Variants in GPM6A observed in about 807,000 individuals in gnomAD.
GPM6A encodes the protein neuronal membrane glycoprotein M6-a.
Under a neutral mutation model 32.1 loss-of-function variants are expected in GPM6A, and 7 were observed. The ratio of observed to expected loss-of-function variants is 0.22; its 90% CI spans 0.12 to 0.41. GPM6A has a LOEUF of 0.41. Ranked by LOEUF, GPM6A falls within the 10% of genes least tolerant of loss-of-function variation. GPM6A has a pLI of 1.00. For synonymous variants in GPM6A, 130 were observed against 123.4 expected (o/e 1.05, Z -0.35); for missense variants, 235 against 347.2 (o/e 0.68, Z 2.57).
chr4:175,924,376 C>T (rs1738763796), intron 1 of GPM6A, among the ~76,000 whole-genome samples: 1 of 152,190 alleles, frequency 6.6e-6, no homozygotes, highest in Admixed American at 6.5e-5. Flanking sequence ...TCCGACCACA[C>T]ATTGTAACCC....
chr4:175,750,243 A>C (rs1668664581), intron 1 of GPM6A, among the ~76,000 whole-genome samples: 1 of 152,070 alleles, frequency 6.6e-6, no homozygotes, highest in South Asian at 2.1e-4. Context: ...TTTTTATTAG[A>C]GATGGGGTTT....
chr4:175,931,961 G>A (rs932543753), intron 1 of GPM6A, among the ~76,000 whole-genome samples: 23 of 151,794 alleles, frequency 1.5e-4, no homozygotes, highest in Admixed American at 9.2e-4. Flanking sequence ...GTATGGTGGT[G>A]CATGCCTGTA....
At chr4:175,651,173 T>G (rs148897552) in intron 4 of GPM6A, among the ~76,000 whole-genome samples, 5 of 152,170 alleles carry the variant, frequency 3.3e-5, no homozygotes, top group Non-Finnish European at 7.3e-5. Flanking sequence ...GCCTCAGTTT[T>G]GTCATCTACA....
intron 2 of GPM6A, 136 bp downstream of exon 2, chr4:175,701,439 T>C (rs1744874502): frequency 1.5e-6 from 1 of 661,678 alleles, no homozygotes; most frequent in Non-Finnish European, 2.7e-6. Context: ...ATGATTACCC[T>C]TTTGAATCAG....
At chr4:175,981,717 A>G (rs1290335949) in intron 1 of GPM6A, among the ~76,000 whole-genome samples, 1 of 152,162 alleles carries the variant, frequency 6.6e-6, no homozygotes, top group African/African-American at 2.4e-5. Context: ...GAGTCAACAT[A>G]CATTTTTATT....
At chr4:175,812,639 T>C (rs775785036), upstream of GPM6A, 6 of 989,916 alleles carry the variant, frequency 6.1e-6, no homozygotes, top group South Asian at 2.3e-4. Flanking sequence ...TTGAGGTTTG[T>C]ATTGAAATCT....
chr4:175,814,839 C>G (rs151231005), upstream of GPM6A, among the ~76,000 whole-genome samples: 1 of 152,250 alleles, frequency 6.6e-6, no homozygotes, highest in East Asian at 1.9e-4. Context: ...CCATTTTGAT[C>G]ATTTTTAAAT....
chr4:175,965,614 C>CT (rs59648310), intron 1 of GPM6A, among the ~76,000 whole-genome samples: 6,429 of 141,052 alleles, frequency 0.046, 391 homozygotes, highest in African/African-American at 0.14. Context: ...CTATTTCTCT[C>CT]TTTTTTTTTT....
At chr4:175,783,937 T>C (rs1184669955) in intron 1 of GPM6A, among the ~76,000 whole-genome samples, 1 of 151,700 alleles carries the variant, frequency 6.6e-6, no homozygotes. Flanking sequence ...TGATATCCCT[T>C]CTTCTAGGAA....
At chr4:175,746,779 A>C (rs888019969) in intron 1 of GPM6A, among the ~76,000 whole-genome samples, 10 of 152,166 alleles carry the variant, frequency 6.6e-5, no homozygotes, top group Non-Finnish European at 1.3e-4. Context: ...AGACATAAGG[A>C]GAGTTCGGGC....
chr4:175,709,301 C>T (rs1243845339), intron 1 of GPM6A, among the ~76,000 whole-genome samples: 1 of 147,422 alleles, frequency 6.8e-6, no homozygotes, highest in African/African-American at 2.5e-5. Flanking sequence ...CTCTCTCTGT[C>T]TCTCTCTCTC....
intron 1 of GPM6A, among the ~76,000 whole-genome samples, chr4:175,822,873 T>C (rs1735322172): frequency 6.6e-6 from 1 of 152,144 alleles, no homozygotes; most frequent in Admixed American, 6.6e-5. Flanking sequence ...TTCCCCTCCC[T>C]GTGTCCATGT....
At chr4:175,843,626 G>A (rs1193807347) in intron 1 of GPM6A, among the ~76,000 whole-genome samples, 2 of 152,178 alleles carry the variant, frequency 1.3e-5, no homozygotes, top group African/African-American at 4.8e-5. Context: ...TGAACTAGGT[G>A]CTATGCTTAG....
chr4:175,983,706 G>T (rs913297705), intron 1 of GPM6A, among the ~76,000 whole-genome samples: 8 of 152,140 alleles, frequency 5.3e-5, no homozygotes, highest in African/African-American at 1.7e-4. Context: ...GAGGAAGTTT[G>T]CATCTATGCT....
chr4:175,966,502 G>A (rs1460482977), intron 1 of GPM6A, among the ~76,000 whole-genome samples: 1 of 151,156 alleles, frequency 6.6e-6, no homozygotes, highest in Non-Finnish European at 1.5e-5. Context: ...AGGTGTGGAG[G>A]TGGGGCCTTT....
At chr4:175,787,372 C>A in intron 1 of GPM6A, 1 of 1,535,214 alleles carries the variant, frequency 6.5e-7, no homozygotes, top group Non-Finnish European at 8.7e-7. Flanking sequence ...TGCTGCCGGC[C>A]GCTGGCTCCT....
At chr4:175,788,823 GA>G (rs1208043310) in intron 1 of GPM6A, among the ~76,000 whole-genome samples, 3 of 152,006 alleles carry the variant, frequency 2.0e-5, no homozygotes, top group African/African-American at 7.2e-5. Context: ...ATAGAATGAA[GA>G]CATTAATAAG....
intron 1 of GPM6A, among the ~76,000 whole-genome samples, chr4:175,850,629 A>G (rs1736224505): frequency 6.6e-6 from 1 of 152,054 alleles, no homozygotes; most frequent in Non-Finnish European, 1.5e-5. Flanking sequence ...ATTTCACCAT[A>G]AATAATCTCA....
intron 1 of GPM6A, among the ~76,000 whole-genome samples, chr4:175,989,560 T>C (rs1461763664): frequency 1.3e-5 from 2 of 152,268 alleles, no homozygotes; most frequent in South Asian, 2.1e-4. Context: ...AATCATGTGA[T>C]CTTTTTAAAA....
Sources: allele counts gnomAD v4.1 joint callset (sites outside exome capture counted in the v4.1 genomes callset), GRCh38; gene constraint gnomAD v4.1.1; transcripts MANE v1.5; gene names NCBI Gene and HGNC (gene_info 2026-07-23, HGNC 2026-07-21).